The following MBD5 variants were observed in gnomAD, a reference collection of about 807,000 sequenced individuals.
MBD5 encodes methyl-CpG-binding domain protein 5.
A neutral mutation model predicts 117.3 loss-of-function variants in MBD5; 13 were observed. The ratio of observed to expected loss-of-function variants is 0.11; its 90% confidence interval spans 0.07 to 0.18. The LOEUF is 0.18. Ranked by LOEUF, MBD5 falls within the 10% of genes least tolerant of loss-of-function variation. The probability of loss-of-function intolerance (pLI) is 1.00; values close to 1 mark genes in which losing one functional copy is unlikely to be tolerated. For synonymous variants in MBD5, 727 were observed against 766.4 expected (o/e 0.95, Z 0.85); for missense variants, 1,879 against 2,093.8 (o/e 0.90, Z 2.00).
intron 1 of MBD5, among the ~76,000 whole-genome samples, chr2:148,059,512 A>G (rs1694968337): frequency 6.6e-6 from 1 of 152,328 alleles, no homozygotes; most frequent in African/African-American, 2.4e-5. Flanking sequence ...TTATTTGATA[A>G]TCTGAATGTA....
At position 148,151,153 on chromosome 2, in the gene MBD5, G is replaced by C. The variant is rs574504089; in HGVS notation, c.-924-27547G>C. ...TTTATTGAGAGTTTTTAGCATGAAG[G>C]GTTGTTGAATTTTGTCAAAGGCTTT... On this transcript the variant is annotated intron_variant, in intron 1 of 13. Transcript: ENST00000642680. Among the ~76,000 whole-genome samples, 10 of 150,966 alleles carry C rather than the reference G, an allele frequency of 6.6e-5. No homozygotes were observed. The East Asian group carries it at 7.8e-4, about 12-fold the overall frequency.
chr2:148,182,771 AG>A (rs1698559940), intron 2 of MBD5, among the ~76,000 whole-genome samples: 1 of 152,230 alleles, frequency 6.6e-6, no homozygotes, highest in South Asian at 2.1e-4. Flanking sequence ...TCTCACCCTC[AG>A]GTATACCTCA....
In MBD5 at chr2:148,481,003, TA is replaced by T. The variant is rs1239054883; in HGVS notation, c.2519-2105del. Among the ~76,000 whole-genome samples, 290 of 152,300 alleles carry T rather than the reference TA, an allele frequency of 1.9e-3. 1 individual carries two copies. Among genetic ancestry groups the T allele is most frequent in the African/African-American group, 6.8e-3 (281 of 41,574 alleles). On this transcript the variant is annotated intron_variant, in intron 8 of 13. Coordinates refer to ENST00000642680, the MANE Select transcript of MBD5 (RefSeq NM_001378120.1). ...AGCACAGCACCACTACTATGACTACTAATGTCAATAATGATGATAACTCCTT... is the reference window on the plus strand; with the variant it reads ...AGCACAGCACCACTACTATGACTACTATGTCAATAATGATGATAACTCCTT...
intron 10 of MBD5, 109 bp from the exon 11 acceptor site, chr2:148,489,277 C>G: frequency 7.5e-7 from 1 of 1,324,546 alleles, no homozygotes; most frequent in Non-Finnish European, 1.1e-6. Flanking sequence ...TATTTCCTTC[C>G]TTGTTAATAT....
At chr2:148,105,639 C>T (rs1474588446) in intron 1 of MBD5, among the ~76,000 whole-genome samples, 1 of 151,922 alleles carries the variant, frequency 6.6e-6, no homozygotes, top group African/African-American at 2.4e-5. Flanking sequence ...TTTTCAGGGC[C>T]CGCTTTTAGC....
At position 148,412,272 on chromosome 2, in the gene MBD5, T is replaced by TTGTGTGTGTGTGTG. The variant is rs59209677; in HGVS notation, c.-556-45913_-556-45900dup. Among the ~76,000 whole-genome samples the TTGTGTGTGTGTGTG allele has an allele frequency of 9.1e-3, 1,316 of 144,560 alleles. 18 individuals carry two copies. Among genetic ancestry groups the TTGTGTGTGTGTGTG allele is most frequent in the African/African-American group, 0.028 (1,077 of 38,266 alleles). The allele number at this position is 144,560 out of a possible 152,430, so 94.8% of individuals were successfully genotyped here. ...TTACTGTAGCCTTGTAGTATACTTT[T>TTGTGTGTGTGTGTG]TGTGTGTGTGTGTGTGTGTGTGTGT... On this transcript the variant is annotated intron_variant, in intron 4 of 13. Coordinates refer to ENST00000642680, the MANE Select transcript of MBD5 (RefSeq NM_001378120.1).
intron 1 of MBD5, chr2:148,026,431 A>T (rs191869773): frequency 6.6e-6 from 1 of 152,304 alleles, no homozygotes; most frequent in East Asian, 1.9e-4. Flanking sequence ...TGTACAATTT[A>T]AAATATACAT....
intron 4 of MBD5, among the ~76,000 whole-genome samples, chr2:148,354,768 C>T (rs1011806602): frequency 3.3e-5 from 5 of 152,314 alleles, no homozygotes; most frequent in African/African-American, 1.2e-4. Flanking sequence ...ACAGCCTCAC[C>T]AGCATCTGTT....
intron 3 of MBD5, among the ~76,000 whole-genome samples, chr2:148,285,308 A>T (rs576253787): frequency 6.6e-6 from 1 of 152,342 alleles, no homozygotes; most frequent in South Asian, 2.1e-4. Context: ...GTTCTTGTTC[A>T]CAAGTTCCAG....
chr2:148,176,893 T>A (rs1040138044), intron 1 of MBD5, among the ~76,000 whole-genome samples: 10 of 150,118 alleles, frequency 6.7e-5, no homozygotes, highest in East Asian at 1.9e-4. Flanking sequence ...AAAAAAAAAA[T>A]TAATTCTGAG....
chr2:148,356,013 T>C lies in MBD5; in HGVS notation c.-557+13677T>C, dbSNP rs145859231. On this transcript the variant is annotated intron_variant, in intron 4 of 13. Coordinates refer to ENST00000642680, the MANE Select transcript of MBD5 (RefSeq NM_001378120.1). ...CACTCTCTTGAGCAGTGGTTTGTAG[T>C]TCTACTTGAAGAGGTCCTTAACATC... 5.1e-3 allele frequency among the ~76,000 whole-genome samples: 781 copies of C among 152,320 alleles called. 13 individuals are homozygous for C. Among genetic ancestry groups the C allele is most frequent in the African/African-American group, 0.018 (751 of 41,574 alleles).
At chr2:148,070,181 A>G (rs1695312639) in intron 1 of MBD5, among the ~76,000 whole-genome samples, 1 of 152,188 alleles carries the variant, frequency 6.6e-6, no homozygotes, top group African/African-American at 2.4e-5. Context: ...TAGCTCCCAC[A>G]TATGACTGAG....
intron 4 of MBD5, among the ~76,000 whole-genome samples, chr2:148,369,950 C>G (rs533235287): frequency 6.6e-6 from 1 of 152,202 alleles, no homozygotes; most frequent in Admixed American, 6.5e-5. Context: ...CTTCCAATCC[C>G]CACCCCACCT....
chr2:148,105,241 C>T (rs1696340192), intron 1 of MBD5, among the ~76,000 whole-genome samples: 1 of 140,116 alleles, frequency 7.1e-6, no homozygotes, highest in Non-Finnish European at 1.5e-5. Flanking sequence ...TTTTTTGAGA[C>T]AGAACCTCAC....
At chr2:148,173,697 G>A (rs1183836566) in intron 1 of MBD5, among the ~76,000 whole-genome samples, 3 of 152,062 alleles carry the variant, frequency 2.0e-5, no homozygotes, top group African/African-American at 7.3e-5. Context: ...TCCAGCTTAG[G>A]TGACAAAGCA....
chr2:148,465,200 G>T (rs1574455278), intron 7 of MBD5, among the ~76,000 whole-genome samples: 1 of 152,240 alleles, frequency 6.6e-6, no homozygotes, highest in East Asian at 1.9e-4. Context: ...CTGCATAGAT[G>T]ATGTTAGCTC....
At chr2:148,364,588 A>G (rs1703640534) in intron 4 of MBD5, among the ~76,000 whole-genome samples, 1 of 152,202 alleles carries the variant, frequency 6.6e-6, no homozygotes, top group Non-Finnish European at 1.5e-5. Flanking sequence ...TGCTGTATTC[A>G]GGAGACCCAT....
At chr2:148,211,833 C>A (rs1242601324) in intron 2 of MBD5, among the ~76,000 whole-genome samples, 4 of 152,170 alleles carry the variant, frequency 2.6e-5, no homozygotes, top group Non-Finnish European at 5.9e-5. Context: ...GCAACCTCAA[C>A]CTCCCAGGCA....
chr2:148,441,770 G>T (rs1296319280), intron 4 of MBD5, among the ~76,000 whole-genome samples: 2 of 151,774 alleles, frequency 1.3e-5, no homozygotes, highest in Non-Finnish European at 2.9e-5. Context: ...AGCACCTGTT[G>T]TTTCCTGACT....
Sources: allele counts gnomAD v4.1 joint callset (sites outside exome capture counted in the v4.1 genomes callset), GRCh38; gene constraint gnomAD v4.1.1; transcripts MANE v1.5; gene names NCBI Gene and HGNC (gene_info 2026-07-23, HGNC 2026-07-21).